Variants in NUMB observed in about 807,000 individuals in gnomAD.
NUMB encodes NUMB endocytic adaptor protein, also known as protein numb homolog.
A neutral mutation model predicts 59.7 loss-of-function variants in NUMB; 29 were observed. The observed-to-expected ratio is 0.49, with a 90% CI of 0.36 to 0.66. The LOEUF is 0.66. Ranked by LOEUF, NUMB falls within the 30% of genes least tolerant of loss-of-function variation. The pLI is 0.00. For missense variants in NUMB, 723 were observed against 822.0 expected, an observed-to-expected ratio of 0.88 and a Z score of 1.47; for synonymous variants, 288 against 288.2, an observed-to-expected ratio of 1.00 and a Z score of 0.01.
intron 2 of NUMB, among the ~76,000 whole-genome samples, chr14:73,378,166 A>G (rs760184880): frequency 5.9e-5 from 9 of 152,210 alleles, no homozygotes; most frequent in Non-Finnish European, 1.3e-4. Flanking sequence ...AAATTATCAT[A>G]TGTCATGAGG....
chr14:73,353,125 C>T (rs537125834), intron 4 of NUMB, among the ~76,000 whole-genome samples: 2 of 97,952 alleles, frequency 2.0e-5, no homozygotes, highest in African/African-American at 7.5e-5. Context: ...ACTCTTGTTG[C>T]CCGGGCTGGA....
intron 2 of NUMB, among the ~76,000 whole-genome samples, chr14:73,382,419 C>T (rs906323199): frequency 6.6e-6 from 1 of 150,746 alleles, no homozygotes; most frequent in African/African-American, 2.4e-5. Context: ...AGTGCCACTG[C>T]GCCCAGCCAA....
intron 3 of NUMB, among the ~76,000 whole-genome samples, chr14:73,358,084 C>T (rs1893905723): frequency 2.6e-5 from 4 of 152,066 alleles, no homozygotes; most frequent in South Asian, 2.1e-4. Context: ...TCCTTAGTAG[C>T]TCTTGAATTC....
intron 2 of NUMB, among the ~76,000 whole-genome samples, chr14:73,385,775 T>C (rs112625352): frequency 0.072 from 11,031 of 152,174 alleles, 531 homozygotes; most frequent in Admixed American, 0.13. Flanking sequence ...GTGCTAGGAT[T>C]ACAGGCATGA....
intron 6 of NUMB, among the ~76,000 whole-genome samples, chr14:73,308,033 G>A (rs1051235462): frequency 2.0e-5 from 3 of 151,928 alleles, no homozygotes; most frequent in African/African-American, 4.8e-5. Flanking sequence ...GCGCCCGGCC[G>A]GGCCTCTGTC....
chr14:73,307,263 TGCGCCACTGCACTCCAGCCTGG>T (rs1188794434), intron 6 of NUMB, among the ~76,000 whole-genome samples: 26 of 151,368 alleles, frequency 1.7e-4, no homozygotes, highest in Non-Finnish European at 1.5e-5. Context: ...GAGCCGAGAT[TGCGCCACTGCACTCCAGCCTGG>T]GCAACAGAGT....
chr14:73,444,944 C>G (rs1251606256), intron 1 of NUMB, among the ~76,000 whole-genome samples: 3 of 151,222 alleles, frequency 2.0e-5, no homozygotes, highest in African/African-American at 7.3e-5. Context: ...CCTCCCCAAA[C>G]GAGAGACTTG....
chr14:73,353,153 G>A (rs1893556660), intron 4 of NUMB, among the ~76,000 whole-genome samples: 1 of 129,588 alleles, frequency 7.7e-6, no homozygotes, highest in Non-Finnish European at 1.6e-5. Flanking sequence ...GGTGTGATCT[G>A]GGCTCACTGC....
chr14:73,280,651 T>A (rs1322160009), intron 11 of NUMB, among the ~76,000 whole-genome samples: 1 of 151,558 alleles, frequency 6.6e-6, no homozygotes, highest in African/African-American at 2.4e-5. Flanking sequence ...ATATCCTTTT[T>A]AGGACTGGAC....
intron 2 of NUMB, among the ~76,000 whole-genome samples, chr14:73,406,990 C>A (rs1896702788): frequency 1.3e-5 from 2 of 152,014 alleles, no homozygotes; most frequent in Non-Finnish European, 2.9e-5. Context: ...TACAGGCGTG[C>A]ACCACCACGT....
chr14:73,371,552 A>G (rs138766637), intron 2 of NUMB, among the ~76,000 whole-genome samples: 1 of 152,018 alleles, frequency 6.6e-6, no homozygotes, highest in East Asian at 1.9e-4. Flanking sequence ...AAAACTTACT[A>G]TATGTCTACA....
chr14:73,405,891 T>C (rs538982362), intron 2 of NUMB, among the ~76,000 whole-genome samples: 83 of 152,018 alleles, frequency 5.5e-4, no homozygotes, highest in Non-Finnish European at 9.1e-4. Context: ...CTGATACCAA[T>C]TGGCATAATA....
intron 11 of NUMB, 156 bp downstream of exon 11, chr14:73,282,203 G>A (rs950866759): frequency 1.1e-5 from 7 of 617,830 alleles, no homozygotes; most frequent in Non-Finnish European, 1.6e-5. Flanking sequence ...AGACATCGTC[G>A]AATGGAGAAA....
intron 4 of NUMB, among the ~76,000 whole-genome samples, chr14:73,329,131 G>T (rs1418610138): frequency 1.3e-5 from 2 of 152,188 alleles, no homozygotes; most frequent in Non-Finnish European, 2.9e-5. Flanking sequence ...GCCTCCCAAA[G>T]TGCTGGGATT....
intron 2 of NUMB, among the ~76,000 whole-genome samples, chr14:73,375,449 G>C (rs933461689): frequency 1.3e-5 from 2 of 152,132 alleles, no homozygotes; most frequent in Non-Finnish European, 2.9e-5. Context: ...GGTAATGTGT[G>C]TCATTAACTA....
intron 1 of NUMB, among the ~76,000 whole-genome samples, chr14:73,415,777 A>G (rs1308891635): frequency 6.6e-6 from 1 of 151,698 alleles, no homozygotes; most frequent in Non-Finnish European, 1.5e-5. Flanking sequence ...TCTTGTAACT[A>G]TTTTCAAGAA....
chr14:73,379,240 T>A (rs1263915369), intron 2 of NUMB, among the ~76,000 whole-genome samples: 1 of 152,210 alleles, frequency 6.6e-6, no homozygotes, highest in Non-Finnish European at 1.5e-5. Flanking sequence ...TCCTCCTTCA[T>A]CAGGGGAAAG....
rs192579507 is a variant in NUMB at position 73,284,499 on chromosome 14, A to G, written c.656-125T>C. ...TTTCCTTCCCAGTGTCTCTTAAAACATAAGTTAGAAGCAGGGTTCGGATCC... is the reference window on the plus strand; with the variant it reads ...TTTCCTTCCCAGTGTCTCTTAAAACGTAAGTTAGAAGCAGGGTTCGGATCC... On this transcript the variant is annotated intron_variant, in intron 9 of 12. Transcript: ENST00000555238. 279 of 768,478 alleles carry G rather than the reference A, an allele frequency of 3.6e-4. 1 individual carries two copies. In the African/African-American group the frequency reaches 4.0e-3, roughly 11 times the overall value. The allele number at this position is 768,478 out of a possible 1,614,324, so 47.6% of individuals were successfully genotyped here.
intron 2 of NUMB, among the ~76,000 whole-genome samples, chr14:73,373,752 A>G (rs540896428): frequency 6.8e-6 from 1 of 146,008 alleles, no homozygotes; most frequent in South Asian, 2.2e-4. Flanking sequence ...TCTGTCACCT[A>G]GGATGCAGTG....
Sources: allele counts gnomAD v4.1 joint callset (sites outside exome capture counted in the v4.1 genomes callset), GRCh38; gene constraint gnomAD v4.1.1; transcripts MANE v1.5; gene names NCBI Gene and HGNC (gene_info 2026-07-23, HGNC 2026-07-21).